TBC1D23: variants seen among roughly 807,000 people sequenced by gnomAD.
The protein encoded by TBC1D23 is TBC1 domain family member 23.
Under a neutral mutation model 91.4 loss-of-function variants are expected in TBC1D23, and 55 were observed. The observed-to-expected ratio is 0.60, with a 90% CI of 0.48 to 0.75. The LOEUF is 0.75. TBC1D23 is among the 30% of genes least tolerant of loss of function. The pLI is 0.00. For synonymous variants in TBC1D23, 289 were observed against 281.0 expected (o/e 1.03, Z -0.28); for missense variants, 725 against 836.1 (o/e 0.87, Z 1.64).
intron 2 of TBC1D23, 105 bp downstream of exon 2, chr3:100,279,865 A>G: frequency 1.6e-6 from 1 of 613,034 alleles, no homozygotes; most frequent in Non-Finnish European, 2.9e-6. Flanking sequence ...TTACCTTATG[A>G]GCATGCCGCA....
At chr3:100,285,928 T>A (rs530167492) in intron 4 of TBC1D23, among the ~76,000 whole-genome samples, 1 of 152,314 alleles carries the variant, frequency 6.6e-6, no homozygotes, top group Non-Finnish European at 1.5e-5. Flanking sequence ...AGTTTTGTTT[T>A]TTTTTTTCCA....
chr3:100,303,772 A>G (rs1705472776), intron 11 of TBC1D23, among the ~76,000 whole-genome samples: 1 of 152,188 alleles, frequency 6.6e-6, no homozygotes, highest in African/African-American at 2.4e-5. Context: ...CCTATTCTCA[A>G]AAACAAAATA....
At chr3:100,281,091 C>T (rs1289251117) in intron 2 of TBC1D23, among the ~76,000 whole-genome samples, 5 of 151,970 alleles carry the variant, frequency 3.3e-5, no homozygotes, top group South Asian at 4.1e-4. Flanking sequence ...ACCCGGGAGG[C>T]GGAGAGGTTG....
chr3:100,297,340 A>T (rs1349403348), intron 8 of TBC1D23, among the ~76,000 whole-genome samples: 1 of 152,220 alleles, frequency 6.6e-6, no homozygotes, highest in African/African-American at 2.4e-5. Context: ...ATTTAAAAAG[A>T]CTTATTTCTA....
intron 1 of TBC1D23, among the ~76,000 whole-genome samples, chr3:100,266,738 C>T (rs1300458802): frequency 6.6e-6 from 1 of 152,138 alleles, no homozygotes; most frequent in Admixed American, 6.5e-5. Flanking sequence ...AGTGCATTCC[C>T]TCTGTAAGTA....
intron 5 of TBC1D23, among the ~76,000 whole-genome samples, chr3:100,292,001 G>A (rs997425296): frequency 6.6e-6 from 1 of 152,102 alleles, no homozygotes; most frequent in Non-Finnish European, 1.5e-5. Flanking sequence ...CTAACCTCAG[G>A]TGATCTGCTC....
chr3:100,279,522 T>C, intron 1 of TBC1D23, 127 bp from the exon 2 acceptor site: 1 of 584,268 alleles, frequency 1.7e-6, no homozygotes, highest in Non-Finnish European at 3.1e-6. Context: ...ACCTTGGCAT[T>C]ACATTTTGGT....
chr3:100,281,903 T>G, intron 3 of TBC1D23, 56 bp downstream of exon 3: 1 of 1,043,796 alleles, frequency 9.6e-7, no homozygotes, highest in Non-Finnish European at 1.5e-6. Flanking sequence ...ATTTTTGGGT[T>G]GAGGAATCAC....
intron 4 of TBC1D23, among the ~76,000 whole-genome samples, chr3:100,285,267 G>A (rs1021501127): frequency 3.3e-5 from 5 of 152,020 alleles, no homozygotes; most frequent in South Asian, 2.1e-4. Context: ...TCCCCTTCCC[G>A]TTAGTGGTCA....
intron 13 of TBC1D23, among the ~76,000 whole-genome samples, chr3:100,309,299 A>T (rs1010277598): frequency 6.6e-6 from 1 of 152,258 alleles, no homozygotes; most frequent in Non-Finnish European, 1.5e-5. Context: ...GCAAACATTT[A>T]CAAGGGATAT....
chr3:100,281,653 T>G, intron 2 of TBC1D23, 89 bp from the exon 3 acceptor site: 1 of 779,522 alleles, frequency 1.3e-6, no homozygotes, highest in South Asian at 1.7e-5. Context: ...GTTATTATTT[T>G]TAAATTCAGG....
At chr3:100,274,925 C>G (rs562983229) in intron 1 of TBC1D23, among the ~76,000 whole-genome samples, 1 of 146,150 alleles carries the variant, frequency 6.8e-6, no homozygotes, top group African/African-American at 2.5e-5. Flanking sequence ...TCATTCATCC[C>G]TCAGTGAACG....
At chr3:100,279,597 A>T in intron 1 of TBC1D23, 52 bp from the exon 2 acceptor site, 1 of 1,238,186 alleles carries the variant, frequency 8.1e-7, no homozygotes, top group Non-Finnish European at 1.1e-6. Context: ...AATCTTGAAT[A>T]AGAAAAAGTA....
chr3:100,280,332 A>G (rs16847139), intron 2 of TBC1D23, among the ~76,000 whole-genome samples: 38,874 of 152,142 alleles, frequency 0.26, 5,276 homozygotes, highest in East Asian at 0.49. Flanking sequence ...AATGATCATA[A>G]CAATGTTAAA....
chr3:100,309,312 A>T (rs549608547), intron 13 of TBC1D23, among the ~76,000 whole-genome samples: 130 of 152,366 alleles, frequency 8.5e-4, no homozygotes, highest in South Asian at 2.1e-3. Context: ...AGGGATATTT[A>T]AAAATGTAGC....
chr3:100,315,154 C>CTTTTTTTTTTTTT (rs397705981), intron 15 of TBC1D23, among the ~76,000 whole-genome samples: 1 of 73,664 alleles, frequency 1.4e-5, no homozygotes, highest in Non-Finnish European at 2.4e-5. Context: ...GAGGCAGATT[C>CTTTTTTTTTTTTT]TTTTTTTTTT....
chr3:100,319,016 T>C, intron 16 of TBC1D23, 53 bp from the exon 17 acceptor site: 1 of 1,215,064 alleles, frequency 8.2e-7, no homozygotes, highest in Non-Finnish European at 1.2e-6. Context: ...TTAGGGAATG[T>C]ATCATTTTAA....
chr3:100,309,554 G>T (rs1341053389), intron 13 of TBC1D23, among the ~76,000 whole-genome samples: 2 of 148,182 alleles, frequency 1.3e-5, no homozygotes, highest in African/African-American at 5.0e-5. Context: ...AAAAGATAAT[G>T]TCAGACTCCA....
Position 100,299,417 on chromosome 3 carries a change from A to AT in TBC1D23, c.1092+93dup, listed in dbSNP as rs575905891. 1.2e-4 allele frequency: 85 copies of AT among 737,054 alleles called. No individual in the cohort carries two copies. The African/African-American group carries it at 1.4e-3, about 12-fold the overall frequency. 45.7% of individuals were successfully genotyped at this position (737,054 alleles called of 1,614,324 possible). On this transcript the variant is annotated intron_variant, in intron 10 of 18. Transcript: ENST00000394144. ...AAATATATAGGTCCCAGATTGGGGA[A>AT]TTTTTTTCTTTCTGCTTAAGGAGGG...
Sources: allele counts gnomAD v4.1 joint callset (sites outside exome capture counted in the v4.1 genomes callset), GRCh38; gene constraint gnomAD v4.1.1; transcripts MANE v1.5; gene names NCBI Gene and HGNC (gene_info 2026-07-23, HGNC 2026-07-21).